SPAG8: variants seen among roughly 807,000 people sequenced by gnomAD.
The protein encoded by SPAG8 is sperm associated antigen 8.
Under a neutral mutation model 45.3 loss-of-function variants are expected in SPAG8, and 36 were observed. The observed-to-expected ratio is 0.80, with a 90% CI of 0.61 to 1.05. The LOEUF (loss-of-function observed/expected upper bound fraction) is 1.05. Among genes scored for constraint, SPAG8 ranks in the 50% least tolerant of loss-of-function variants. The probability of loss-of-function intolerance (pLI) is 0.00; values close to 1 mark genes in which losing one functional copy is unlikely to be tolerated. For missense variants in SPAG8, 573 were observed against 609.2 expected (o/e 0.94, Z 0.63); for synonymous variants, 227 against 232.6 (o/e 0.98, Z 0.22).
chr9:35,809,147 C>T, downstream of SPAG8: 1 of 1,612,094 alleles, frequency 6.2e-7, no homozygotes, highest in Non-Finnish European at 8.5e-7. This position sits in a 1 kb window ranked among gnomAD's most constrained non-coding sequence, Gnocchi z 4.1. Context: ...CCCATTCCAC[C>T]CACCCCAGCG....
Position 35,812,259 on chromosome 9 carries a change from G to C in SPAG8, c.-112C>G, listed in dbSNP as rs574530647. On this transcript the variant is annotated 5_prime_UTR_variant, in exon 1 of 7. Coordinates refer to ENST00000396638, the MANE Select transcript of SPAG8 (RefSeq NM_001039592.2). The stretch of plus-strand genomic sequence containing the variant: ...TGGCGGTGGAGGCAAGTCCTCTGCG[G>C]GGCGGAAGTCTTCAGCCTAGTGCTG... The C allele has an allele frequency of 3.1e-4, 384 of 1,237,340 alleles. No individual in the cohort carries two copies. The African/African-American group carries it at 5.4e-3, about 17-fold the overall frequency. The allele number at this position is 1,237,340 out of a possible 1,614,324, so 76.6% of individuals were successfully genotyped here. A position where few individuals can be genotyped will look rare whatever the true frequency, so the allele number is the denominator to read the frequency against.
rs868229305 is a variant in SPAG8 at position 35,810,474 on chromosome 9, C to T, written c.1165G>A (p.Glu389Lys). ...GCAGGAGTCCCTGCTTGTGCCAGCT[C>T]CATTCGGTAGTCATGGTGTGTCACA... The part of the protein sequence containing the change: ...ESVTHHDYRM[E>K]LAQAGTPAPT... The change falls in exon 5 of 7, where the codon GAG (glutamate) becomes AAG (lysine). Residue 389 changes from glutamate to lysine, a missense_variant. Physicochemically the swap from Glu to Lys is moderately conservative, Grantham distance 56. Transcript: ENST00000396638. 1 of 1,614,164 alleles carries T rather than the reference C, an allele frequency of 6.2e-7. No individual in the cohort carries two copies. The highest frequency in any genetic ancestry group is 8.5e-7 in the Non-Finnish European group (1 of 1,180,034).
downstream of SPAG8, chr9:35,809,139 C>T (rs1828603436): frequency 1.2e-6 from 2 of 1,606,522 alleles, no homozygotes; most frequent in Middle Eastern, 1.7e-4. The surrounding 1 kb of genome is among the most constrained non-coding windows in gnomAD (Gnocchi z 4.1). Context: ...CCATCCTCCC[C>T]ATTCCACCCA....
intron 6 of SPAG8, 25 bp downstream of exon 6, chr9:35,810,222 C>A (rs765333293): frequency 1.6e-5 from 26 of 1,613,570 alleles, no homozygotes; most frequent in Non-Finnish European, 2.0e-5. Context: ...CGCTCTGCCC[C>A]CAACACCTAG....
chr9:35,808,708 C>G (rs1828568770), downstream of SPAG8: 1 of 1,612,572 alleles, frequency 6.2e-7, no homozygotes, highest in Admixed American at 1.7e-5. This position sits in a 1 kb window ranked among gnomAD's most constrained non-coding sequence, Gnocchi z 4.0. Flanking sequence ...CACTCCAGCC[C>G]TAGTCTCCAC....
Position 35,811,203 on chromosome 9 carries a change from G to A in SPAG8, c.843C>T (p.Leu281=). 6.3e-7 allele frequency: 1 copy of A among 1,577,038 alleles called. No homozygotes were observed. Among genetic ancestry groups the A allele is most frequent in the Non-Finnish European group, 8.6e-7 (1 of 1,160,638 alleles). ...ATACCTCTTCCTCCCAGTTGTAGAG[G>A]AGGCACTGGCCCCGCGGCAAAGTTT... The part of the protein sequence containing the change: ...CYETLPRGQC[L]LYNWEEERAT... Residue 281 remains leucine (L), a synonymous_variant, in exon 2 of 7, where the codon CTC becomes CTT. Coordinates refer to ENST00000396638, the MANE Select transcript of SPAG8 (RefSeq NM_001039592.2).
downstream of SPAG8, chr9:35,809,712 T>TA (rs1563995469): frequency 4.0e-6 from 5 of 1,264,520 alleles, no homozygotes; most frequent in South Asian, 2.4e-5. The surrounding 1 kb of genome is among the most constrained non-coding windows in gnomAD (Gnocchi z 4.1). Flanking sequence ...AAAACAATAA[T>TA]AAAAAAAGTT....
chr9:35,808,852 A>C (rs779382712), downstream of SPAG8: 11 of 1,576,348 alleles, frequency 7.0e-6, no homozygotes, highest in East Asian at 2.2e-4. This position sits in a 1 kb window ranked among gnomAD's most constrained non-coding sequence, Gnocchi z 4.0. Flanking sequence ...CTAATGGTCA[A>C]GGTAAGACAT....
chr9:35,810,667 A>G lies in SPAG8; in HGVS notation c.1055T>C (p.Met352Thr). 1 of 1,613,952 alleles carries G rather than the reference A, an allele frequency of 6.2e-7. No homozygotes were observed. The highest frequency in any genetic ancestry group is 8.5e-7 in the Non-Finnish European group (1 of 1,179,966). ...YWPLRGKREA[M>T]LEMLLQHQIC... ...CTGATGCTGCAGGAGCATCTCCAGC[A>G]TGGCTTCACGCTTCCCTGTGAGAGA... Residue 352 changes from methionine (M) to threonine (T), a missense_variant, in exon 4 of 7, where the codon ATG (methionine) becomes ACG (threonine). Transcript: ENST00000396638.
chr9:35,808,239 T>C (rs1381686333), downstream of SPAG8: 5 of 1,614,134 alleles, frequency 3.1e-6, no homozygotes, highest in Non-Finnish European at 4.2e-6. The surrounding 1 kb of genome is among the most constrained non-coding windows in gnomAD (Gnocchi z 4.0). Context: ...AGAGCCTATT[T>C]GTCCATGTCC....
chr9:35,809,897 A>T lies in SPAG8; in HGVS notation c.*41T>A. On this transcript the variant is annotated 3_prime_UTR_variant, in exon 7 of 7. Coordinates refer to ENST00000396638, the MANE Select transcript of SPAG8 (RefSeq NM_001039592.2). This position sits in a 1 kb window ranked among gnomAD's most constrained non-coding sequence, Gnocchi z 4.1. ...TCCCGACCTCTCTAGTGCAGACAGAAATAGATTCCATATTCCATACCCCAC... is the reference window on the plus strand; with the variant it reads ...TCCCGACCTCTCTAGTGCAGACAGATATAGATTCCATATTCCATACCCCAC... The T allele has an allele frequency of 6.5e-7, 1 of 1,541,002 alleles. No individual in the cohort carries two copies. The highest frequency in any genetic ancestry group is 8.7e-7 in the Non-Finnish European group (1 of 1,148,792).
Position 35,810,693 on chromosome 9 carries a change from G to C in SPAG8, c.1040-11C>G. The C allele has an allele frequency of 6.2e-7, 1 of 1,614,148 alleles. No individual in the cohort carries two copies. The highest frequency in any genetic ancestry group is 8.5e-7 in the Non-Finnish European group (1 of 1,180,020). On this transcript the variant is annotated splice_polypyrimidine_tract_variant and intron_variant, in intron 3 of 6. Coordinates refer to ENST00000396638, the MANE Select transcript of SPAG8 (RefSeq NM_001039592.2). ...TGGCTTCACGCTTCCCTGTGAGAGA[G>C]TTGGGGGGTGGGCAAGGTGGGGTCT...
In SPAG8 at chr9:35,811,648, GA is replaced by G; in HGVS notation, c.397del (p.Ser133LeufsTer119). 1 of 1,614,222 alleles carries G rather than the reference GA, an allele frequency of 6.2e-7. No homozygotes were observed. The highest frequency in any genetic ancestry group is 8.5e-7 in the Non-Finnish European group (1 of 1,180,042). ...AGAGCCTGGAACAGGGCCAGGATTAGAACTATGGTCAGTTGTAGTGCAAGTG... is the reference window on the plus strand; with the variant it reads ...AGAGCCTGGAACAGGGCCAGGATTAGACTATGGTCAGTTGTAGTGCAAGTG... ...QDTCTTTDHSSNPGPVPGSSS... is the reference protein window; with the variant it reads ...QDTCTTTDHSXNPGPVPGSSS... On this transcript the variant is annotated frameshift_variant, in exon 2 of 7. Transcript: ENST00000396638. LOFTEE classifies it high-confidence loss of function.
rs142261431 is a variant in SPAG8 at position 35,811,700 on chromosome 9, C to T, written c.346G>A (p.Val116Ile). The T allele has an allele frequency of 1.7e-4, 274 of 1,614,218 alleles. 2 individuals carry two copies. In the African/African-American group the frequency reaches 2.5e-3, roughly 15 times the overall value. ...IAHGSLGFEP[V>I]YVSCIAQDTC... is the part of the protein sequence containing the mutation. ...TCCTGAGCAATACAGGAAACATAGACGGGCTCAAAGCCAAGACTCCCATGG... is the reference window on the plus strand; with the variant it reads ...TCCTGAGCAATACAGGAAACATAGATGGGCTCAAAGCCAAGACTCCCATGG... The change falls in exon 2 of 7, where the codon GTC (valine) becomes ATC (isoleucine). Residue 116 changes from valine (V) to isoleucine (I), a missense_variant. Coordinates refer to ENST00000396638, the MANE Select transcript of SPAG8 (RefSeq NM_001039592.2).
At chr9:35,808,237 T>C (rs764763092), downstream of SPAG8, 14 of 1,614,228 alleles carry the variant, frequency 8.7e-6, no homozygotes, top group African/African-American at 1.3e-5. The surrounding 1 kb of genome is among the most constrained non-coding windows in gnomAD (Gnocchi z 4.0). Context: ...GCAGAGCCTA[T>C]TTGTCCATGT....
Position 35,810,348 on chromosome 9 carries a change from CCTCT to C in SPAG8, c.1201-43_1201-40del, listed in dbSNP as rs1382606041. Reference sequence around the variant, plus strand: ...TACTGAGTAACTCCTGGCCTTCAGCCCTCTCTCTCAACCTCTGGGCTTGGTACTT... The same window carrying C: ...TACTGAGTAACTCCTGGCCTTCAGCCCTCTCAACCTCTGGGCTTGGTACTT... On this transcript the variant is annotated intron_variant, in intron 5 of 6. Coordinates refer to ENST00000396638, the MANE Select transcript of SPAG8 (RefSeq NM_001039592.2). 9 of 1,613,262 alleles carry C rather than the reference CCTCT, an allele frequency of 5.6e-6. No homozygotes were observed. In the Admixed American group the frequency reaches 6.7e-5, roughly 12 times the overall value.
At chr9:35,808,304 G>A, downstream of SPAG8, 1 of 1,602,206 alleles carries the variant, frequency 6.2e-7, no homozygotes, top group Non-Finnish European at 8.6e-7. The surrounding 1 kb of genome is among the most constrained non-coding windows in gnomAD (Gnocchi z 4.0). Flanking sequence ...TATTCACCAG[G>A]TGCTGGGTGG....
At chr9:35,809,436 A>T, downstream of SPAG8, 1 of 1,613,934 alleles carries the variant, frequency 6.2e-7, no homozygotes, top group Non-Finnish European at 8.5e-7. The surrounding 1 kb of genome is among the most constrained non-coding windows in gnomAD (Gnocchi z 4.1). Context: ...GACCTCCTGG[A>T]CTCCTGTAAA....
downstream of SPAG8, chr9:35,808,681 C>G (rs201806512): frequency 6.2e-7 from 1 of 1,614,062 alleles, no homozygotes; most frequent in East Asian, 2.2e-5. The surrounding 1 kb of genome is among the most constrained non-coding windows in gnomAD (Gnocchi z 4.0). Flanking sequence ...GGGGTCCATA[C>G]TGGTAAGGCT....
Sources: allele counts gnomAD v4.1 joint callset, GRCh38; gene constraint gnomAD v4.1.1; non-coding constraint Gnocchi (gnomAD v3.1); transcripts MANE v1.5; gene names NCBI Gene and HGNC (gene_info 2026-07-23, HGNC 2026-07-21).